DCDC1: variants seen among roughly 807,000 people sequenced by gnomAD.
DCDC1 encodes doublecortin domain containing 1, also known as doublecortin domain-containing protein 1.
In DCDC1, 200 loss-of-function variants were observed where a neutral mutation model predicts 178.3. The observed-to-expected ratio is 1.12, with a 90% CI of 1.00 to 1.26. The LOEUF is 1.26. Ranked by LOEUF, DCDC1 falls within the 50% of genes most tolerant of loss-of-function variation. The pLI, the probability that DCDC1 is intolerant of heterozygous loss-of-function variation, is 0.00. For missense variants in DCDC1, 1,983 were observed against 1,749.2 expected, an observed-to-expected ratio of 1.13 and a Z score of -2.38; for synonymous variants, 690 against 604.8, an observed-to-expected ratio of 1.14 and a Z score of -2.07.
At chr11:31,115,942 ACT>A (rs1424032521) in intron 11 of DCDC1, among the ~76,000 whole-genome samples, 1 of 129,958 alleles carries the variant, frequency 7.7e-6, no homozygotes, top group African/African-American at 2.8e-5. Context: ...GCTCCTTTAC[ACT>A]GAGGGCAATT....
chr11:31,266,622 A>G (rs1945182939), intron 7 of DCDC1, among the ~76,000 whole-genome samples: 1 of 152,224 alleles, frequency 6.6e-6, no homozygotes, highest in South Asian at 2.1e-4. Flanking sequence ...GGACAATGTG[A>G]ATTATATTAA....
In DCDC1 at chr11:31,290,811, C is replaced by T; in HGVS notation, c.796G>A (p.Gly266Arg). The stretch of plus-strand genomic sequence containing the variant: ...TTGATATCAGTAGGAAGCATCAACC[C>T]ATTCATTGTCCAAGTTACTTTCTTA... ...LIKKVTWTMN[G>R]LMLPTDIKRR... is the part of the protein sequence containing the mutation. The change falls in exon 7 of 39, where the codon GGG becomes AGG. Residue 266 changes from glycine (G) to arginine (R), a missense_variant. Coordinates refer to ENST00000684477, the MANE Select transcript of DCDC1 (RefSeq NM_001387274.1). The T allele has an allele frequency of 6.2e-7, 1 of 1,613,122 alleles. No homozygotes were observed. The highest frequency in any genetic ancestry group is 1.1e-5 in the South Asian group (1 of 91,006).
intron 12 of DCDC1, among the ~76,000 whole-genome samples, chr11:31,108,332 G>A (rs1591070731): frequency 6.6e-6 from 1 of 152,132 alleles, no homozygotes; most frequent in African/African-American, 2.4e-5. Context: ...AAAGGTGTTA[G>A]AATAGTAAAA....
intron 38 of DCDC1, 136 bp from the exon 39 acceptor site, chr11:30,865,468 G>A (rs1234737614): frequency 1.3e-5 from 2 of 153,194 alleles, no homozygotes; most frequent in Non-Finnish European, 2.9e-5. Flanking sequence ...TATCAGAATA[G>A]GTGCATTAAA....
At chr11:31,190,255 G>A (rs1286734984) in intron 9 of DCDC1, among the ~76,000 whole-genome samples, 2 of 152,130 alleles carry the variant, frequency 1.3e-5, no homozygotes, top group Admixed American at 1.3e-4. Flanking sequence ...CAAAAGGTTA[G>A]TTACATTATC....
intron 9 of DCDC1, among the ~76,000 whole-genome samples, chr11:31,175,009 CT>C (rs926233951): frequency 6.6e-6 from 1 of 152,224 alleles, no homozygotes; most frequent in Non-Finnish European, 1.5e-5. Flanking sequence ...AAACATGCCA[CT>C]TGCTCACCAA....
At chr11:31,238,191 G>A (rs1022017922) in intron 9 of DCDC1, among the ~76,000 whole-genome samples, 10 of 152,018 alleles carry the variant, frequency 6.6e-5, no homozygotes, top group Non-Finnish European at 1.2e-4. Flanking sequence ...TCAGAAATGA[G>A]TGTTTCTCAA....
At chr11:31,019,602 C>A (rs1344330135) in intron 20 of DCDC1, among the ~76,000 whole-genome samples, 1 of 152,102 alleles carries the variant, frequency 6.6e-6, no homozygotes, top group Non-Finnish European at 1.5e-5. Flanking sequence ...TAATTTCTCA[C>A]ATGATAGAAT....
intron 23 of DCDC1, among the ~76,000 whole-genome samples, chr11:30,923,379 G>C (rs373323262): frequency 1.7e-4 from 25 of 146,776 alleles, no homozygotes; most frequent in African/African-American, 6.0e-4. Context: ...ACAAGATTAT[G>C]GATAATACTT....
At chr11:31,005,518 T>C (rs1049405246) in intron 20 of DCDC1, among the ~76,000 whole-genome samples, 1 of 152,196 alleles carries the variant, frequency 6.6e-6, no homozygotes, top group African/African-American at 2.4e-5. Flanking sequence ...TTCATTTCAA[T>C]TCAACCTACT....
In DCDC1 at chr11:31,328,274, T is replaced by C; in HGVS notation, c.7A>G (p.Lys3Glu). 1 of 1,559,118 alleles carries C rather than the reference T, an allele frequency of 6.4e-7. No individual in the cohort carries two copies. Among genetic ancestry groups the C allele is most frequent in the Non-Finnish European group, 8.7e-7 (1 of 1,149,274 alleles). Reference protein sequence around the residue: MAKTGAEDHREAL... With the variant: MAETGAEDHREAL... ...TCTCTGTGATCTTCTGCTCCTGTTT[T>C]TGCCATTTTCAGCTAAAAATGATAA... The change falls in exon 3 of 39, where the codon AAA becomes GAA. Residue 3 changes from lysine (K) to glutamate (E), a missense_variant. Transcript: ENST00000684477.
intron 37 of DCDC1, among the ~76,000 whole-genome samples, 184 bp downstream of exon 37, chr11:30,880,974 A>G (rs1942607434): frequency 6.6e-6 from 1 of 152,226 alleles, no homozygotes; most frequent in East Asian, 1.9e-4. Flanking sequence ...TCTCCAGAGC[A>G]AACAGTGTTA....
At chr11:31,367,485 T>C (rs1202240614) in intron 1 of DCDC1, among the ~76,000 whole-genome samples, 2 of 152,180 alleles carry the variant, frequency 1.3e-5, no homozygotes, top group Non-Finnish European at 2.9e-5. Flanking sequence ...AAATGTTTAA[T>C]GTATGGAGAT....
chr11:30,998,816 C>A (rs1032377209), intron 20 of DCDC1, among the ~76,000 whole-genome samples: 2 of 152,096 alleles, frequency 1.3e-5, no homozygotes, highest in Non-Finnish European at 2.9e-5. Flanking sequence ...GTGGGCTGAA[C>A]TATTTGCTTC....
chr11:30,939,719 T>C (rs1455248415), intron 21 of DCDC1, among the ~76,000 whole-genome samples: 2 of 152,210 alleles, frequency 1.3e-5, no homozygotes, highest in African/African-American at 4.8e-5. Context: ...TATTGTGACC[T>C]TCTAGGTACA....
chr11:31,168,542 A>T (rs778480377), intron 9 of DCDC1, among the ~76,000 whole-genome samples: 14 of 152,246 alleles, frequency 9.2e-5, no homozygotes, highest in Non-Finnish European at 1.9e-4. Context: ...ATGTTAAACC[A>T]AATGAGGCAG....
At chr11:30,948,250 C>T (rs1280964940) in intron 21 of DCDC1, among the ~76,000 whole-genome samples, 1 of 152,122 alleles carries the variant, frequency 6.6e-6, no homozygotes, top group East Asian at 1.9e-4. Flanking sequence ...AACTCCCATT[C>T]ATAATTGCTA....
At chr11:31,145,323 C>T (rs1964320520) in intron 9 of DCDC1, among the ~76,000 whole-genome samples, 1 of 152,180 alleles carries the variant, frequency 6.6e-6, no homozygotes, top group African/African-American at 2.4e-5. Flanking sequence ...TGATGGAGTC[C>T]ATACCAGATG....
chr11:31,251,857 G>A (rs1397290110), intron 8 of DCDC1, among the ~76,000 whole-genome samples: 1 of 152,144 alleles, frequency 6.6e-6, no homozygotes, highest in Non-Finnish European at 1.5e-5. Flanking sequence ...GCATGAAGGA[G>A]AGTGTTTGAG....
Sources: allele counts gnomAD v4.1 joint callset (sites outside exome capture counted in the v4.1 genomes callset), GRCh38; gene constraint gnomAD v4.1.1; transcripts MANE v1.5; gene names NCBI Gene and HGNC (gene_info 2026-07-23, HGNC 2026-07-21).